EPHA4: variants seen among roughly 807,000 people sequenced by gnomAD.
EPHA4 encodes the protein ephrin type-A receptor 4.
EPHA4 carries 19 observed loss-of-function variants against 108.3 expected under a neutral mutation model. The ratio of observed to expected loss-of-function variants is 0.18; its 90% confidence interval spans 0.12 to 0.26. EPHA4 has a LOEUF of 0.26. Among genes scored for constraint, EPHA4 ranks in the 10% least tolerant of loss-of-function variants. EPHA4 has a pLI of 1.00. For synonymous variants in EPHA4, 449 were observed against 455.5 expected (o/e 0.99, Z 0.18); for missense variants, 917 against 1,254.0 (o/e 0.73, Z 4.06).
chr2:221,451,681 T>C (rs1690789489), intron 8 of EPHA4, among the ~76,000 whole-genome samples: 1 of 152,200 alleles, frequency 6.6e-6, no homozygotes, highest in South Asian at 2.1e-4. Context: ...AATTATATCT[T>C]GAGTGATGAG....
chr2:221,566,866 A>AAGGAGAAGG (rs1237319755), intron 2 of EPHA4, among the ~76,000 whole-genome samples: 1 of 45,534 alleles, frequency 2.2e-5, no homozygotes, highest in African/African-American at 1.1e-4. Context: ...GAAGAAGAAG[A>AAGGAGAAGG]AGAAGAAGAA....
intron 15 of EPHA4, among the ~76,000 whole-genome samples, chr2:221,428,268 G>C (rs932578110): frequency 1.6e-4 from 24 of 152,128 alleles, no homozygotes. Flanking sequence ...TAACTTTAAG[G>C]GTGGTTCTTA....
At chr2:221,503,409 TA>T (rs529676717) in intron 3 of EPHA4, among the ~76,000 whole-genome samples, 87 of 152,334 alleles carry the variant, frequency 5.7e-4, no homozygotes, top group South Asian at 8.3e-4. Flanking sequence ...TACTTCCAGC[TA>T]AAAAATTAAA....
At chr2:221,447,787 T>C (rs1197644108) in intron 8 of EPHA4, among the ~76,000 whole-genome samples, 2 of 151,594 alleles carry the variant, frequency 1.3e-5, no homozygotes, top group Non-Finnish European at 2.9e-5. Flanking sequence ...TAAGCTTGCA[T>C]TTTCCTTTGC....
intron 3 of EPHA4, among the ~76,000 whole-genome samples, chr2:221,546,779 C>A (rs1247449694): frequency 2.6e-5 from 4 of 152,142 alleles, no homozygotes; most frequent in Non-Finnish European, 5.9e-5. Context: ...ATAAAGAAAT[C>A]TTTTGGAAAA....
Position 221,571,112 on chromosome 2 carries a change from T to C in EPHA4, c.91+1046A>G, listed in dbSNP as rs1574670524. 6.6e-6 allele frequency among the ~76,000 whole-genome samples: 1 copy of C among 151,866 alleles called. No individual in the cohort carries two copies. The highest frequency in any genetic ancestry group is 2.4e-5 in the African/African-American group (1 of 41,394). Reference sequence around the variant, plus strand: ...TCCGCGTCCGCTTCCACGCAGGCATTCGCGCACCTACATACACGCAGTTGC... The same window carrying C: ...TCCGCGTCCGCTTCCACGCAGGCATCCGCGCACCTACATACACGCAGTTGC... On this transcript the variant is annotated intron_variant, in intron 1 of 17. Transcript: ENST00000281821. The surrounding 1 kb of genome is among the most constrained non-coding windows in gnomAD (Gnocchi z 6.3).
At chr2:221,455,686 C>A (rs1190985806) in intron 7 of EPHA4, 28 bp from the exon 8 acceptor site, 2 of 1,557,830 alleles carry the variant, frequency 1.3e-6, no homozygotes, top group Admixed American at 1.7e-5. Context: ...ATAAGGGTCA[C>A]CTTTGGGAAA....
chr2:221,553,851 A>C (rs1694230306), intron 3 of EPHA4, among the ~76,000 whole-genome samples: 1 of 152,220 alleles, frequency 6.6e-6, no homozygotes, highest in Admixed American at 6.5e-5. Context: ...TAAGAATTGA[A>C]TAATTACCCA....
chr2:221,532,989 G>A (rs1574640356), intron 3 of EPHA4: 2 of 152,246 alleles, frequency 1.3e-5, no homozygotes, highest in Admixed American at 1.3e-4. Context: ...CTCTTGGGCA[G>A]ACTTGCCTTG....
At chr2:221,514,020 T>C (rs1692916557) in intron 3 of EPHA4, among the ~76,000 whole-genome samples, 2 of 152,002 alleles carry the variant, frequency 1.3e-5, no homozygotes, top group African/African-American at 4.8e-5. Flanking sequence ...GATCTTCCTC[T>C]TAAAAGTACA....
chr2:221,423,761 G>GAA (rs80333450), intron 17 of EPHA4, among the ~76,000 whole-genome samples: 1 of 135,024 alleles, frequency 7.4e-6, no homozygotes. Context: ...TAGACTTTAA[G>GAA]AAAAAAAAAA....
chr2:221,504,832 AT>A (rs1445384036), intron 3 of EPHA4, among the ~76,000 whole-genome samples: 1 of 152,192 alleles, frequency 6.6e-6, no homozygotes, highest in Non-Finnish European at 1.5e-5. Context: ...GTCCAGGGTC[AT>A]ACAGTTAAGT....
At chr2:221,501,826 C>T (rs769528161) in intron 3 of EPHA4, among the ~76,000 whole-genome samples, 5 of 152,092 alleles carry the variant, frequency 3.3e-5, no homozygotes, top group Non-Finnish European at 5.9e-5. Flanking sequence ...TTGTAAGGCA[C>T]GGGTCACAGT....
intron 3 of EPHA4, among the ~76,000 whole-genome samples, chr2:221,531,389 T>A (rs1473686548): frequency 6.6e-6 from 1 of 152,142 alleles, no homozygotes; most frequent in African/African-American, 2.4e-5. Context: ...AAAGTCAGCA[T>A]GCCTGGGACT....
rs954296138 is a variant in EPHA4, at chr2:221,497,631, G to A, written c.979+3386C>T. Among the ~76,000 whole-genome samples, 5 of 152,064 alleles carry A rather than the reference G, an allele frequency of 3.3e-5. No homozygotes were observed. The South Asian group carries it at 8.3e-4, about 25-fold the overall frequency. On this transcript the variant is annotated intron_variant, in intron 4 of 17. Coordinates refer to ENST00000281821, the MANE Select transcript of EPHA4 (RefSeq NM_004438.5). ...TGGGCGCCTGTAGTCCCAGCTACTC[G>A]GGAGGCTGAGGCAGGAGAATCACAA...
In EPHA4 at chr2:221,499,734, ATATATATATATATATATATATATT is replaced by A. The variant is rs1188484278; in HGVS notation, c.979+1259_979+1282del. 1.4e-3 allele frequency among the ~76,000 whole-genome samples: 67 copies of A among 47,158 alleles called. 2 individuals are homozygous for A. The highest frequency in any genetic ancestry group is 8.0e-3 in the Admixed American group (37 of 4,600). 30.9% of individuals were successfully genotyped at this position (47,158 alleles called of 152,430 possible). A position where few individuals can be genotyped will look rare whatever the true frequency, so the allele number is the denominator to read the frequency against. On this transcript the variant is annotated intron_variant, in intron 4 of 17. Transcript: ENST00000281821. ...AAAACTAATATATATATATATATATATATATATATATATATATATATATTTTTTTTTTTTTTTTTTGAGACAGAG... is the reference window on the plus strand; with the variant it reads ...AAAACTAATATATATATATATATATATTTTTTTTTTTTTTTTGAGACAGAG...
intron 11 of EPHA4, among the ~76,000 whole-genome samples, chr2:221,438,609 GAAAC>G (rs1381899420): frequency 6.6e-6 from 1 of 151,978 alleles, no homozygotes; most frequent in African/African-American, 2.4e-5. Context: ...CCAACATGGT[GAAAC>G]CTCGTGTCTA....
At chr2:221,480,223 C>G (rs556048437) in intron 5 of EPHA4, among the ~76,000 whole-genome samples, 17 of 152,236 alleles carry the variant, frequency 1.1e-4, no homozygotes, top group African/African-American at 4.1e-4. Flanking sequence ...TCTGTGGGAG[C>G]CAAGCCTGTC....
chr2:221,433,125 G>A (rs1422946951), intron 14 of EPHA4, among the ~76,000 whole-genome samples: 2 of 152,084 alleles, frequency 1.3e-5, no homozygotes, highest in Non-Finnish European at 2.9e-5. Context: ...GGCCCGGCCT[G>A]CATTGAACAT....
Sources: gnomAD v4.1 joint callset for allele counts (sites outside exome capture counted in the v4.1 genomes callset) on GRCh38, gnomAD v4.1.1 for gene constraint, Gnocchi (gnomAD v3.1) non-coding constraint, MANE v1.5 for transcripts, NCBI Gene and HGNC (gene_info 2026-07-23, HGNC 2026-07-21) for gene names.